Variants in SCN3B observed in about 807,000 individuals in gnomAD.
SCN3B encodes sodium channel regulatory subunit beta-3.
Under a neutral mutation model 25.4 loss-of-function variants are expected in SCN3B, and 11 were observed. That is an observed-to-expected ratio of 0.43 (90% confidence interval 0.27 to 0.72). The LOEUF (loss-of-function observed/expected upper bound fraction) is 0.72. Ranked by LOEUF, SCN3B falls within the 30% of genes least tolerant of loss-of-function variation. The pLI is 0.18. For missense variants in SCN3B, 218 were observed against 278.3 expected, an observed-to-expected ratio of 0.78 and a Z score of 1.54; for synonymous variants, 109 against 110.7, an observed-to-expected ratio of 0.99 and a Z score of 0.09.
intron 4 of SCN3B, among the ~76,000 whole-genome samples, chr11:123,641,947 C>T (rs1052771494): frequency 3.9e-5 from 6 of 152,170 alleles, no homozygotes; most frequent in Admixed American, 1.3e-4. Context: ...CAGGCTCCAC[C>T]GACAAAAGCA....
At position 123,642,870 on chromosome 11, in the gene SCN3B, G is replaced by T. The variant is rs1375683133; in HGVS notation, c.220-199C>A. The stretch of plus-strand genomic sequence containing the variant: ...AGGGTAGGGAAGGGAGCAAAGACAG[G>T]GAAGGACAGGCAGAGGCAGCAGGCA... On this transcript the variant is annotated intron_variant, in intron 3 of 6. Coordinates refer to ENST00000299333, the MANE Select transcript of SCN3B (RefSeq NM_001040151.2). The surrounding 1 kb of genome is among the most constrained non-coding windows in gnomAD (Gnocchi z 4.3). Among the ~76,000 whole-genome samples the T allele has an allele frequency of 6.6e-6, 1 of 152,058 alleles. No individual in the cohort carries two copies. Among genetic ancestry groups the T allele is most frequent in the Non-Finnish European group, 1.5e-5 (1 of 67,976 alleles).
Position 123,645,580 on chromosome 11 carries a change from A to G in SCN3B, c.219+7T>C, listed in dbSNP as rs1441089000. On this transcript the variant is annotated splice_region_variant and intron_variant, in intron 3 of 6. Transcript: ENST00000299333. ...GAAGAAAGGCCAGAGTCAGCAGTCT[A>G]ACATACAAGGAAATCTTTACCGCCC... 1.2e-6 allele frequency: 2 copies of G among 1,614,118 alleles called. No homozygotes were observed. The highest frequency in any genetic ancestry group is 4.5e-5 in the East Asian group (2 of 44,840).
Position 123,642,368 on chromosome 11 carries a change from C to T in SCN3B, c.445+78G>A. 4 of 1,404,960 alleles carry T rather than the reference C, an allele frequency of 2.8e-6. No homozygotes were observed. The highest frequency in any genetic ancestry group is 4.0e-6 in the Non-Finnish European group (4 of 991,522). 87.0% of individuals were successfully genotyped at this position (1,404,960 alleles called of 1,614,324 possible). The stretch of plus-strand genomic sequence containing the variant: ...GTTTTTGCACTCTTTAAGGGCCTCA[C>T]TCGTGGAAAACTGCTGTCCTACCCT... On this transcript the variant is annotated intron_variant, in intron 4 of 6. Transcript: ENST00000299333. This position sits in a 1 kb window ranked among gnomAD's most constrained non-coding sequence, Gnocchi z 4.3.
chr11:123,634,817 G>A (rs1148108), intron 5 of SCN3B, among the ~76,000 whole-genome samples: 101,223 of 152,150 alleles, frequency 0.67, 35,557 homozygotes, highest in African/African-American at 0.9. Flanking sequence ...TTGGGTTTCT[G>A]CTTCTGAAAT....
At chr11:123,641,003 C>G (rs1485803727) in intron 4 of SCN3B, 1 of 152,310 alleles carries the variant, frequency 6.6e-6, no homozygotes, top group Non-Finnish European at 1.5e-5. Context: ...CTAGCTCAGC[C>G]TTGCCACACT....
intron 3 of SCN3B, among the ~76,000 whole-genome samples, chr11:123,643,444 A>G (rs913972369): frequency 5.3e-5 from 8 of 152,224 alleles, no homozygotes; most frequent in African/African-American, 1.7e-4. Context: ...TGTGCTGGCT[A>G]TTCTAGTCTC....
chr11:123,653,174 A>G (rs1245482843), intron 2 of SCN3B, among the ~76,000 whole-genome samples: 1 of 151,490 alleles, frequency 6.6e-6, no homozygotes, highest in Non-Finnish European at 1.5e-5. Flanking sequence ...AGAAGAAGAA[A>G]AAGAAAGATG....
intron 5 of SCN3B, among the ~76,000 whole-genome samples, chr11:123,636,240 A>T (rs1955723549): frequency 6.6e-6 from 1 of 152,218 alleles, no homozygotes; most frequent in Non-Finnish European, 1.5e-5. Flanking sequence ...TTGCTGGAAT[A>T]TAGGTGATTT....
At chr11:123,651,426 C>T (rs1489509213) in intron 2 of SCN3B, among the ~76,000 whole-genome samples, 1 of 151,928 alleles carries the variant, frequency 6.6e-6, no homozygotes, top group Non-Finnish European at 1.5e-5. Context: ...TGCAGTGGCA[C>T]AATCTTGGCT....
In SCN3B at chr11:123,642,587, C is replaced by A. The variant is rs1157585071; in HGVS notation, c.304G>T (p.Asp102Tyr). 1 of 1,614,196 alleles carries A rather than the reference C, an allele frequency of 6.2e-7. No homozygotes were observed. The change falls in exon 4 of 7, where the codon GAC (aspartate) becomes TAC (tyrosine). Residue 102 changes from aspartate (D) to tyrosine (Y), a missense_variant. Transcript: ENST00000299333. This position sits in a 1 kb window ranked among gnomAD's most constrained non-coding sequence, Gnocchi z 4.3. ...ACGTTGAGCACAGTGATGGACACGT[C>A]CTGCAGGTCCTTGCTGCCATTCCAC... is the stretch of plus-strand genomic sequence containing the variant. ...LQWNGSKDLQ[D>Y]VSITVLNVTL...
intron 2 of SCN3B, among the ~76,000 whole-genome samples, chr11:123,649,614 TTTTCTTTCTTTTTTC>T (rs1241905317): frequency 4.6e-5 from 7 of 150,996 alleles, no homozygotes; most frequent in Non-Finnish European, 1.0e-4. Flanking sequence ...TTTCTTTTTC[TTTTCTTTCTTTTTTC>T]TTTCTTTCTT....
intron 2 of SCN3B, among the ~76,000 whole-genome samples, chr11:123,650,155 CATA>C (rs1486471395): frequency 6.6e-6 from 1 of 151,964 alleles, no homozygotes; most frequent in African/African-American, 2.4e-5. Context: ...CTTCAATTCC[CATA>C]ATAATAATGA....
chr11:123,644,390 G>A (rs1159550434), intron 3 of SCN3B, among the ~76,000 whole-genome samples: 1 of 152,204 alleles, frequency 6.6e-6, no homozygotes, highest in Non-Finnish European at 1.5e-5. Flanking sequence ...GTGATAATAA[G>A]TGTGAAGTCA....
At chr11:123,635,486 C>T (rs1955713464) in intron 5 of SCN3B, among the ~76,000 whole-genome samples, 1 of 152,020 alleles carries the variant, frequency 6.6e-6, no homozygotes, top group South Asian at 2.1e-4. Context: ...AGATTGAGAC[C>T]ATCCTGGCTA....
At chr11:123,638,069 A>T in intron 5 of SCN3B, 117 bp downstream of exon 5, 1 of 1,230,748 alleles carries the variant, frequency 8.1e-7, no homozygotes, top group Non-Finnish European at 1.2e-6. Context: ...CCTATCTCTT[A>T]AGCAGTGATC....
rs1375097484 is a variant in SCN3B, at chr11:123,647,135, A to T, written c.56-1385T>A. 5.9e-5 allele frequency among the ~76,000 whole-genome samples: 9 copies of T among 152,314 alleles called. No individual in the cohort carries two copies. The South Asian group carries it at 1.9e-3, about 32-fold the overall frequency. ...ATTTTGGAGCTGTTCACAAATGCAA[A>T]TAACTAAATGCTAAGAGAGTGTACA... On this transcript the variant is annotated intron_variant, in intron 2 of 6. Coordinates refer to ENST00000299333, the MANE Select transcript of SCN3B (RefSeq NM_001040151.2).
intron 2 of SCN3B, among the ~76,000 whole-genome samples, chr11:123,651,043 C>T (rs148000905): frequency 0.013 from 1,957 of 151,488 alleles, 35 homozygotes; most frequent in African/African-American, 0.044. Flanking sequence ...GGCAATATGG[C>T]GAGACATCGT....
At position 123,634,128 on chromosome 11, in the gene SCN3B, C is replaced by T. The variant is rs560447496; in HGVS notation, c.*15G>A. ...CATGTTCCTGTAGGTCACCTCATGT[C>T]ACACTGCTCCTGTTCTATTCCTCCA... On this transcript the variant is annotated 3_prime_UTR_variant, in exon 6 of 7. Transcript: ENST00000299333. 7 of 1,613,126 alleles carry T rather than the reference C, an allele frequency of 4.3e-6. No homozygotes were observed. In the African/African-American group the frequency reaches 6.7e-5, roughly 15 times the overall value.
chr11:123,636,570 G>C (rs1256354208), intron 5 of SCN3B, among the ~76,000 whole-genome samples: 4 of 152,088 alleles, frequency 2.6e-5, no homozygotes, highest in African/African-American at 9.7e-5. Context: ...GATGCTTGGT[G>C]TTTAGGTGTA....
Sources: allele counts gnomAD v4.1 joint callset (sites outside exome capture counted in the v4.1 genomes callset), GRCh38; gene constraint gnomAD v4.1.1; non-coding constraint Gnocchi (gnomAD v3.1); transcripts MANE v1.5; gene names NCBI Gene and HGNC (gene_info 2026-07-23, HGNC 2026-07-21).